The following WWP2 variants were observed in gnomAD, a reference collection of about 807,000 sequenced individuals.
WWP2 encodes the protein NEDD4-like E3 ubiquitin-protein ligase WWP2.
A neutral mutation model predicts 121.0 loss-of-function variants in WWP2; 57 were observed. The ratio of observed to expected loss-of-function variants is 0.47; its 90% CI spans 0.38 to 0.59. WWP2 has a LOEUF of 0.59. Ranked by LOEUF, WWP2 falls within the 20% of genes least tolerant of loss-of-function variation. The probability of loss-of-function intolerance (pLI) is 0.00; values close to 1 mark genes in which losing one functional copy is unlikely to be tolerated. For missense variants in WWP2, 962 were observed against 1,158.9 expected (o/e 0.83, Z 2.47); for synonymous variants, 449 against 441.3 (o/e 1.02, Z -0.22).
chr16:69,806,066 T>C (rs986912604), intron 4 of WWP2, among the ~76,000 whole-genome samples: 1 of 151,838 alleles, frequency 6.6e-6, no homozygotes, highest in African/African-American at 2.4e-5. Flanking sequence ...CCAGGTGTGA[T>C]GGTGTACGCC....
intron 4 of WWP2, among the ~76,000 whole-genome samples, chr16:69,826,422 A>T (rs1204070072): frequency 6.6e-6 from 1 of 151,686 alleles, no homozygotes; most frequent in Admixed American, 6.6e-5. Context: ...ACACAAAAAA[A>T]TTAGCCGGGC....
intron 4 of WWP2, among the ~76,000 whole-genome samples, chr16:69,813,415 G>A (rs1489220131): frequency 6.6e-6 from 1 of 152,106 alleles, no homozygotes; most frequent in Non-Finnish European, 1.5e-5. Context: ...ACCTGCCTCG[G>A]CCTCCCAAAG....
chr16:69,881,524 T>C lies in WWP2; in HGVS notation c.704-6515T>C, dbSNP rs565433749. 9.3e-4 allele frequency among the ~76,000 whole-genome samples: 142 copies of C among 152,370 alleles called. 2 individuals carry two copies. The highest frequency in any genetic ancestry group is 3.3e-3 in the African/African-American group (138 of 41,590). On this transcript the variant is annotated intron_variant, in intron 7 of 23. Transcript: ENST00000359154. Reference sequence around the variant, plus strand: ...CAAATAAAGTCTGGAGTTTAGTTAATAGTAGTATACTAATTATTATTTTAG... The same window carrying C: ...CAAATAAAGTCTGGAGTTTAGTTAACAGTAGTATACTAATTATTATTTTAG...
At chr16:69,930,380 C>T in intron 13 of WWP2, 122 bp downstream of exon 13, 2 of 1,445,764 alleles carry the variant, frequency 1.4e-6, no homozygotes, top group Non-Finnish European at 1.9e-6. Flanking sequence ...TTACTGCCCT[C>T]TAGTGGCCAA....
intron 9 of WWP2, chr16:69,909,883 A>G: frequency 4.0e-6 from 1 of 249,058 alleles, no homozygotes; most frequent in Non-Finnish European, 6.4e-6. Flanking sequence ...TTTCATCTGT[A>G]CAAACTAGTC....
Position 69,937,198 on chromosome 16 carries a change from C to A in WWP2, c.2198C>A (p.Pro733Gln), listed in dbSNP as rs761502608. 7.4e-6 allele frequency: 12 copies of A among 1,613,752 alleles called. No homozygotes were observed. The change falls in exon 20 of 24, where the codon CCG becomes CAG. Residue 733 changes from proline to glutamine, a missense_variant. Transcript: ENST00000359154. The surrounding 1 kb of genome is among the most constrained non-coding windows in gnomAD (Gnocchi z 6.6). ...CTGGATGGCTTCAACGAGGTGGCCC[C>A]GCTGGAGTGGCTGCGCTACTTTGAC... ...AFLDGFNEVAPLEWLRYFDEK... is the reference protein window; with the variant it reads ...AFLDGFNEVAQLEWLRYFDEK...
chr16:69,763,503 T>C (rs1648382292), intron 1 of WWP2, among the ~76,000 whole-genome samples: 1 of 152,232 alleles, frequency 6.6e-6, no homozygotes, highest in African/African-American at 2.4e-5. Context: ...TCGTTTTGGG[T>C]TACAAGTAGG....
chr16:69,798,895 G>A (rs1275067985), intron 3 of WWP2, 66 bp downstream of exon 3: 12 of 1,584,112 alleles, frequency 7.6e-6, no homozygotes, highest in South Asian at 1.1e-5. Context: ...CTCCGAGGGG[G>A]TTGTGGGAGG....
intron 7 of WWP2, among the ~76,000 whole-genome samples, chr16:69,875,306 C>T (rs2057716563): frequency 6.6e-6 from 1 of 152,156 alleles, no homozygotes; most frequent in Non-Finnish European, 1.5e-5. Context: ...ATTATCTGAG[C>T]CTTTAGCCAG....
At chr16:69,911,248 G>A (rs768947288) in intron 9 of WWP2, among the ~76,000 whole-genome samples, 1 of 152,194 alleles carries the variant, frequency 6.6e-6, no homozygotes, top group Non-Finnish European at 1.5e-5. Context: ...CTATCCGGGA[G>A]CAATAAGTAT....
intron 4 of WWP2, among the ~76,000 whole-genome samples, chr16:69,830,031 T>C (rs1243194283): frequency 6.6e-6 from 1 of 152,098 alleles, no homozygotes; most frequent in Non-Finnish European, 1.5e-5. Context: ...GTTGGGTCAT[T>C]GCAGCGTTCG....
Position 69,777,545 on chromosome 16 carries a change from C to T in WWP2, c.-15-9451C>T, listed in dbSNP as rs770610091. 1.1e-4 allele frequency among the ~76,000 whole-genome samples: 16 copies of T among 151,906 alleles called. 1 individual carries two copies. The highest frequency in any genetic ancestry group is 2.1e-4 in the Non-Finnish European group (14 of 67,994). On this transcript the variant is annotated intron_variant, in intron 1 of 23. Transcript: ENST00000359154. ...CGAACTCCTGACCTCAAGCAATTCA[C>T]CCACCTCAGCCTCCCAAAGTGTTGG...
At chr16:69,793,103 C>G (rs952112891) in intron 2 of WWP2, among the ~76,000 whole-genome samples, 10 of 152,140 alleles carry the variant, frequency 6.6e-5, no homozygotes, top group Non-Finnish European at 1.0e-4. Flanking sequence ...TGCCTGTAAT[C>G]CGAGCACTTT....
chr16:69,893,645 A>G (rs2058064217), intron 8 of WWP2, among the ~76,000 whole-genome samples: 1 of 152,154 alleles, frequency 6.6e-6, no homozygotes, highest in African/African-American at 2.4e-5. Flanking sequence ...AGGTTCAAAC[A>G]ATTCTCCTGC....
chr16:69,838,448 A>T (rs1230711692), intron 4 of WWP2, among the ~76,000 whole-genome samples: 1 of 6,858 alleles, frequency 1.5e-4, no homozygotes, highest in African/African-American at 4.8e-4. Context: ...CTTGACTTAA[A>T]AAAAAAAAAA....
chr16:69,785,106 G>A (rs1447158595), intron 1 of WWP2, among the ~76,000 whole-genome samples: 2 of 151,836 alleles, frequency 1.3e-5, no homozygotes. Flanking sequence ...TGGTGCTGGT[G>A]CCTCTAATTC....
chr16:69,917,821 C>T lies in WWP2; in HGVS notation c.1117C>T (p.Gln373Ter). Reference protein sequence around the residue: ...AEYVRNYEQWQSQRNQLQGAM... With the variant: ...AEYVRNYEQW ...GTACGTGCGCAACTATGAGCAGTGGCAGTCGCAGCGGAATCAGCTCCAGGG... is the reference window on the plus strand; with the variant it reads ...GTACGTGCGCAACTATGAGCAGTGGTAGTCGCAGCGGAATCAGCTCCAGGG... The change falls in exon 10 of 24, where the codon CAG becomes TAG. Residue 373 changes from glutamine to a stop codon, truncating the protein, a stop_gained. Coordinates refer to ENST00000359154, the MANE Select transcript of WWP2 (RefSeq NM_001270454.2). LOFTEE classifies it high-confidence loss of function. 1 of 1,614,050 alleles carries T rather than the reference C, an allele frequency of 6.2e-7. No homozygotes were observed. Among genetic ancestry groups the T allele is most frequent in the Non-Finnish European group, 8.5e-7 (1 of 1,179,868 alleles).
At chr16:69,823,372 G>A (rs1403711574) in intron 4 of WWP2, among the ~76,000 whole-genome samples, 2 of 152,094 alleles carry the variant, frequency 1.3e-5, no homozygotes, top group Non-Finnish European at 2.9e-5. Context: ...GACAGTGCAG[G>A]TCTAGAGGTT....
chr16:69,906,183 C>T (rs2058289238), intron 8 of WWP2, among the ~76,000 whole-genome samples: 1 of 152,008 alleles, frequency 6.6e-6, no homozygotes, highest in Non-Finnish European at 1.5e-5. Context: ...CGCCATTCTC[C>T]TCCCTCAGCC....
Sources: allele counts gnomAD v4.1 joint callset (sites outside exome capture counted in the v4.1 genomes callset), GRCh38; gene constraint gnomAD v4.1.1; non-coding constraint Gnocchi (gnomAD v3.1); transcripts MANE v1.5; gene names NCBI Gene and HGNC (gene_info 2026-07-23, HGNC 2026-07-21).